RBFOX1: variants seen among roughly 807,000 people sequenced by gnomAD.
RBFOX1 encodes the protein RNA binding fox-1 homolog 1.
Under a neutral mutation model 57.7 loss-of-function variants are expected in RBFOX1, and 8 were observed. That is an observed-to-expected ratio of 0.14 (90% CI 0.08 to 0.25). RBFOX1 has a LOEUF of 0.25. RBFOX1 is among the 10% of genes least tolerant of loss of function. RBFOX1 has a pLI of 1.00. For missense variants in RBFOX1, 611 were observed against 548.5 expected (o/e 1.11, Z -1.14); for synonymous variants, 326 against 222.4 (o/e 1.47, Z -4.15).
intron 4 of RBFOX1, among the ~76,000 whole-genome samples, chr16:7,143,756 C>T (rs540126562): frequency 6.7e-6 from 1 of 149,884 alleles, no homozygotes. Flanking sequence ...TTCATTTATA[C>T]TATTTAGCAG....
At chr16:7,526,452 C>T (rs1459899617) in intron 5 of RBFOX1, among the ~76,000 whole-genome samples, 1 of 152,180 alleles carries the variant, frequency 6.6e-6, no homozygotes, top group African/African-American at 2.4e-5. Flanking sequence ...TTGAACCTCT[C>T]TGCTCTTATT....
intron 3 of RBFOX1, among the ~76,000 whole-genome samples, chr16:5,748,567 C>CTA (rs2053073027): frequency 6.6e-6 from 1 of 152,120 alleles, no homozygotes. Flanking sequence ...GTATTGGGTG[C>CTA]ATATATATTT....
chr16:5,771,317 T>G (rs779604658), intron 3 of RBFOX1, among the ~76,000 whole-genome samples: 29 of 152,194 alleles, frequency 1.9e-4, no homozygotes, highest in Non-Finnish European at 3.7e-4. Flanking sequence ...TAGGGTGAGG[T>G]CTACATGTAC....
At chr16:5,350,152 G>A (rs1036720702) in intron 1 of RBFOX1, among the ~76,000 whole-genome samples, 1 of 152,182 alleles carries the variant, frequency 6.6e-6, no homozygotes, top group African/African-American at 2.4e-5. Flanking sequence ...TGTGCATAAT[G>A]TATGTGCTTG....
chr16:6,992,091 C>T (rs1002495965), intron 3 of RBFOX1, among the ~76,000 whole-genome samples: 3 of 152,058 alleles, frequency 2.0e-5, no homozygotes, highest in Non-Finnish European at 2.9e-5. Flanking sequence ...TCACCCATTC[C>T]TTAGGGAGAA....
intron 2 of RBFOX1, among the ~76,000 whole-genome samples, chr16:6,621,278 G>A (rs574883223): frequency 2.0e-4 from 30 of 151,836 alleles, no homozygotes; most frequent in South Asian, 1.7e-3. Flanking sequence ...TGGCTAACAC[G>A]GTGAAACCCC....
intron 3 of RBFOX1, among the ~76,000 whole-genome samples, chr16:6,760,214 A>G (rs1051839204): frequency 6.6e-6 from 1 of 152,212 alleles, no homozygotes; most frequent in Admixed American, 6.5e-5. Context: ...AATAGTTTGT[A>G]ATGAATTCCT....
intron 2 of RBFOX1, among the ~76,000 whole-genome samples, chr16:6,383,719 A>C (rs1596398060): frequency 6.6e-6 from 1 of 152,058 alleles, no homozygotes; most frequent in East Asian, 1.9e-4. Flanking sequence ...GCAGTGAGCC[A>C]ACATCGCACC....
chr16:6,067,744 G>T (rs897155548), intron 1 of RBFOX1, among the ~76,000 whole-genome samples: 23 of 151,984 alleles, frequency 1.5e-4, no homozygotes, highest in Non-Finnish European at 2.5e-4. Flanking sequence ...GCTGAGGATG[G>T]GAAAAAAATA....
chr16:5,526,129 CCT>C (rs1184402730), intron 2 of RBFOX1, among the ~76,000 whole-genome samples: 2 of 152,074 alleles, frequency 1.3e-5, no homozygotes, highest in Admixed American at 1.3e-4. Context: ...GCTGCTCAGG[CCT>C]CTGTCTCGAG....
At chr16:5,492,176 A>G (rs971086160) in intron 2 of RBFOX1, among the ~76,000 whole-genome samples, 3 of 152,194 alleles carry the variant, frequency 2.0e-5, no homozygotes, top group African/African-American at 7.2e-5. Flanking sequence ...TGCTCAAAGT[A>G]TAAGAACCCT....
intron 2 of RBFOX1, among the ~76,000 whole-genome samples, chr16:6,351,323 C>CGT (rs71406370): frequency 0.13 from 14,853 of 112,236 alleles, 1,031 homozygotes; most frequent in South Asian, 0.17. Context: ...ATATATATAA[C>CGT]GTGTGTGTGT....
At chr16:6,735,888 G>A (rs1366081526) in intron 3 of RBFOX1, among the ~76,000 whole-genome samples, 12 of 151,970 alleles carry the variant, frequency 7.9e-5, no homozygotes, top group African/African-American at 2.9e-4. Context: ...CTGGAAATAA[G>A]CAGATGGTTG....
At chr16:6,230,184 G>A (rs2152901161) in intron 1 of RBFOX1, among the ~76,000 whole-genome samples, 1 of 152,254 alleles carries the variant, frequency 6.6e-6, no homozygotes. Flanking sequence ...AAGCATAGAA[G>A]AGATGAAGTT....
chr16:6,884,678 A>C (rs2063620018), intron 3 of RBFOX1, among the ~76,000 whole-genome samples: 1 of 152,144 alleles, frequency 6.6e-6, no homozygotes, highest in Non-Finnish European at 1.5e-5. Context: ...GTGGTGGATC[A>C]CTTGAGGCCA....
At chr16:5,993,237 C>T (rs1179568838) in intron 4 of RBFOX1, among the ~76,000 whole-genome samples, 2 of 152,126 alleles carry the variant, frequency 1.3e-5, no homozygotes, top group East Asian at 3.9e-4. Flanking sequence ...TGGCTGGGCT[C>T]TGAGCCATAT....
chr16:5,778,994 C>G (rs192205297), intron 3 of RBFOX1, among the ~76,000 whole-genome samples: 2 of 152,274 alleles, frequency 1.3e-5, no homozygotes, highest in East Asian at 3.9e-4. Flanking sequence ...ACTCATTTAA[C>G]AATTGTATAT....
intron 3 of RBFOX1, among the ~76,000 whole-genome samples, chr16:5,820,891 T>C (rs2055826221): frequency 6.6e-6 from 1 of 152,178 alleles, no homozygotes; most frequent in Admixed American, 6.5e-5. Flanking sequence ...CTCTGATTGA[T>C]GGTTTTCCCA....
At position 7,653,886 on chromosome 16, in the gene RBFOX1, C is replaced by G. The variant is rs1189994954; in HGVS notation, c.829C>G (p.Arg277Gly). The G allele has an allele frequency of 6.2e-7, 1 of 1,601,610 alleles. No individual in the cohort carries two copies. The highest frequency in any genetic ancestry group is 8.5e-7 in the Non-Finnish European group (1 of 1,178,998). ...YRGAHLRGRG[R>G]TVYNTFRAAA... ...AGGGGCGCACCTGCGAGGCCGCGGTCGCACCGTGTACAACACCTTCAGGGC... is the reference window on the plus strand; with the variant it reads ...AGGGGCGCACCTGCGAGGCCGCGGTGGCACCGTGTACAACACCTTCAGGGC... The change falls in exon 12 of 16, where the codon CGC (arginine) becomes GGC (glycine). Residue 277 changes from arginine to glycine, a missense_variant. Coordinates refer to ENST00000550418, the MANE Select transcript of RBFOX1 (RefSeq NM_018723.4).
Sources: gnomAD v4.1 joint callset for allele counts (sites outside exome capture counted in the v4.1 genomes callset) on GRCh38, gnomAD v4.1.1 for gene constraint, MANE v1.5 for transcripts, NCBI Gene and HGNC (gene_info 2026-07-23, HGNC 2026-07-21) for gene names.